The following TCHP variants were observed in gnomAD, a reference collection of about 807,000 sequenced individuals.
TCHP encodes trichoplein keratin filament-binding protein.
A neutral mutation model predicts 88.7 loss-of-function variants in TCHP; 81 were observed. That is an observed-to-expected ratio of 0.91 (90% CI 0.76 to 1.10). The LOEUF (loss-of-function observed/expected upper bound fraction) is 1.10, where lower values mean the gene tolerates loss of function less well. TCHP is among the 50% of genes least tolerant of loss of function. The pLI is 0.00. For synonymous variants in TCHP, 232 were observed against 232.5 expected, an observed-to-expected ratio of 1.00 and a Z score of 0.02; for missense variants, 641 against 632.1, an observed-to-expected ratio of 1.01 and a Z score of -0.15.
the TCHP span, among the ~76,000 whole-genome samples, chr12:109,891,876 A>G: frequency 6.6e-6 from 1 of 151,560 alleles, no homozygotes; most frequent in African/African-American, 2.4e-5. Flanking sequence ...CGCTCTGCTA[A>G]TTTCTGTATA....
intron 9 of TCHP, 41 bp downstream of exon 9, chr12:109,911,276 C>G: frequency 8.6e-7 from 1 of 1,161,900 alleles, no homozygotes; most frequent in African/African-American, 1.5e-5. Context: ...CTCCTGGCCT[C>G]AACTCTGATA....
chr12:109,914,787 C>T, intron 11 of TCHP, 160 bp downstream of exon 11: 1 of 598,142 alleles, frequency 1.7e-6, no homozygotes, highest in South Asian at 2.0e-5. Context: ...ATCCTCTTGA[C>T]TGTGGCTTCT....
chr12:109,908,050 C>T (rs1870247145), intron 6 of TCHP, among the ~76,000 whole-genome samples: 1 of 152,178 alleles, frequency 6.6e-6, no homozygotes, highest in African/African-American at 2.4e-5. Context: ...CCGTGGGGAG[C>T]AGGTTTCGGG....
At chr12:109,894,459 T>G in the TCHP span, among the ~76,000 whole-genome samples, 1 of 115,008 alleles carries the variant, frequency 8.7e-6, no homozygotes, top group African/African-American at 4.0e-5. Flanking sequence ...CAAGACTCCG[T>G]CTCAAAAAAA....
chr12:109,907,679 C>G lies in TCHP; in HGVS notation c.679C>G (p.Leu227Val). The G allele has an allele frequency of 3.7e-6, 6 of 1,606,168 alleles. No individual in the cohort carries two copies. Among genetic ancestry groups the G allele is most frequent in the Non-Finnish European group, 5.1e-6 (6 of 1,176,878 alleles). The change falls in exon 6 of 13, where the codon CTG (leucine) becomes GTG (valine). Residue 227 changes from leucine (L) to valine (V), a missense_variant. By Grantham distance (32) the Leu-to-Val change is conservative (BLOSUM62 1). Transcript: ENST00000405876. ...GGCACTGCTGCAACAGATGGAGGAG[C>G]TGAAGCTGAAGGAGGTGGAGGTGGG... ...AEALLQQMEE[L>V]KLKEVEATKL... is the part of the protein sequence containing the mutation.
upstream of TCHP, among the ~76,000 whole-genome samples, chr12:109,896,309 G>C (rs1268731499): frequency 6.6e-6 from 1 of 152,098 alleles, no homozygotes; most frequent in African/African-American, 2.4e-5. Flanking sequence ...CACTGAAGAG[G>C]GATTCACAGT....
intron 6 of TCHP, among the ~76,000 whole-genome samples, 189 bp from the exon 7 acceptor site, chr12:109,908,397 A>G (rs1870267565): frequency 6.6e-6 from 1 of 152,172 alleles, no homozygotes; most frequent in African/African-American, 2.4e-5. Flanking sequence ...AGGGCTCAGA[A>G]AGGCCCTTGC....
chr12:109,913,486 G>A (rs1329527373), intron 10 of TCHP, among the ~76,000 whole-genome samples: 1 of 152,208 alleles, frequency 6.6e-6, no homozygotes, highest in African/African-American at 2.4e-5. Context: ...TCCCTCTTAT[G>A]GGTGTGCTGT....
chr12:109,908,899 C>A lies in TCHP; in HGVS notation c.841C>A (p.Gln281Lys). ...TTTCTTGAGACATCAGTATAACGCTCAACTCAGCAGACGCACACAGCAGAT... is the reference window on the plus strand; with the variant it reads ...TTTCTTGAGACATCAGTATAACGCTAAACTCAGCAGACGCACACAGCAGAT... ...GRFLRHQYNA[Q>K]LSRRTQQIQE... Residue 281 changes from glutamine (Q) to lysine (K), a missense_variant, in exon 8 of 13, where the codon CAA (glutamine) becomes AAA (lysine). Physicochemically the swap from Gln to Lys is moderately conservative, Grantham distance 53. Coordinates refer to ENST00000405876, the MANE Select transcript of TCHP (RefSeq NM_001143852.2). 1 of 1,614,196 alleles carries A rather than the reference C, an allele frequency of 6.2e-7. No homozygotes were observed. Among genetic ancestry groups the A allele is most frequent in the South Asian group, 1.1e-5 (1 of 91,056 alleles).
chr12:109,903,851 T>A lies in TCHP; in HGVS notation c.189-86T>A. On this transcript the variant is annotated intron_variant, in intron 2 of 12. Transcript: ENST00000405876. The surrounding 1 kb of genome is among the most constrained non-coding windows in gnomAD (Gnocchi z 4.6). Reference sequence around the variant, plus strand: ...CCTGTGTCGTCATGACACATCTACCTCAGCCTCTTTTACCGACACAGCAGA... The same window carrying A: ...CCTGTGTCGTCATGACACATCTACCACAGCCTCTTTTACCGACACAGCAGA... 1 of 1,110,668 alleles carries A rather than the reference T, an allele frequency of 9.0e-7. No individual in the cohort carries two copies. Among genetic ancestry groups the A allele is most frequent in the Non-Finnish European group, 1.3e-6 (1 of 750,246 alleles). The allele number at this position is 1,110,668 out of a possible 1,614,324, so 68.8% of individuals were successfully genotyped here.
intron 5 of TCHP, 120 bp downstream of exon 5, chr12:109,906,760 T>C: frequency 1.3e-6 from 1 of 762,544 alleles, no homozygotes; most frequent in Non-Finnish European, 2.2e-6. Flanking sequence ...GTGTACTCTT[T>C]TCTTAGTTTA....
the TCHP span, among the ~76,000 whole-genome samples, chr12:109,886,206 C>T: frequency 9.2e-5 from 14 of 151,690 alleles, no homozygotes; most frequent in East Asian, 2.0e-3. Context: ...GGTGCGATCT[C>T]GGCTCACTAA....
chr12:109,901,847 G>A (rs1003149603), intron 1 of TCHP, among the ~76,000 whole-genome samples: 4 of 152,128 alleles, frequency 2.6e-5, no homozygotes, highest in Non-Finnish European at 1.5e-5. Context: ...TTTATTAGCC[G>A]TCTCTTGGGC....
chr12:109,910,915 C>G (rs1332162564), intron 8 of TCHP, 148 bp from the exon 9 acceptor site: 2 of 1,242,184 alleles, frequency 1.6e-6, no homozygotes, highest in African/African-American at 1.6e-5. Flanking sequence ...AGAAATAATC[C>G]AGGATCTTCC....
Position 109,903,751 on chromosome 12 carries a change from T to G in TCHP, c.189-186T>G, listed in dbSNP as rs898433400. Reference sequence around the variant, plus strand: ...TATTTATACATTTATACATTTTCTTTTTGCAAAAAACAAGATTTTCTCTTA... The same window carrying G: ...TATTTATACATTTATACATTTTCTTGTTGCAAAAAACAAGATTTTCTCTTA... On this transcript the variant is annotated intron_variant, in intron 2 of 12. Coordinates refer to ENST00000405876, the MANE Select transcript of TCHP (RefSeq NM_001143852.2). This position sits in a 1 kb window ranked among gnomAD's most constrained non-coding sequence, Gnocchi z 4.6. Among the ~76,000 whole-genome samples, 21 of 152,174 alleles carry G rather than the reference T, an allele frequency of 1.4e-4. No individual in the cohort carries two copies. Among genetic ancestry groups the G allele is most frequent in the African/African-American group, 5.1e-4 (21 of 41,452 alleles).
At chr12:109,894,033 C>T in the TCHP span, among the ~76,000 whole-genome samples, 2 of 151,814 alleles carry the variant, frequency 1.3e-5, no homozygotes, top group Admixed American at 6.6e-5. Flanking sequence ...AAAATACAAA[C>T]ATTAGCCAGG....
Position 109,911,200 on chromosome 12 carries a change from G to A in TCHP, c.1017G>A (p.Glu339=). The A allele has an allele frequency of 2.5e-6, 4 of 1,587,418 alleles. No individual in the cohort carries two copies. Among genetic ancestry groups the A allele is most frequent in the Non-Finnish European group, 3.4e-6 (4 of 1,169,696 alleles). ...CCATTGAGGAGCAGCTGCAGCTGGA[G>A]CGGGCGCGGGAGGCAGAGCTGCAGA... ...KQAIEEQLQL[E]RAREAELQML... is the part of the protein sequence containing the mutation. The change falls in exon 9 of 13, where the codon GAG becomes GAA. Residue 339 remains glutamate (E), a synonymous_variant. Coordinates refer to ENST00000405876, the MANE Select transcript of TCHP (RefSeq NM_001143852.2).
At chr12:109,883,558 C>T in the TCHP span, among the ~76,000 whole-genome samples, 1 of 152,076 alleles carries the variant, frequency 6.6e-6, no homozygotes, top group Non-Finnish European at 1.5e-5. Context: ...CTACCTCGAG[C>T]ATCCTATGAT....
chr12:109,896,094 G>T (rs57707515), upstream of TCHP, among the ~76,000 whole-genome samples: 3 of 152,020 alleles, frequency 2.0e-5, no homozygotes, highest in African/African-American at 7.2e-5. Context: ...CTACAGGCAC[G>T]CACTACCACA....
Sources: allele counts gnomAD v4.1 joint callset (sites outside exome capture counted in the v4.1 genomes callset), GRCh38; gene constraint gnomAD v4.1.1; non-coding constraint Gnocchi (gnomAD v3.1); transcripts MANE v1.5; gene names NCBI Gene and HGNC (gene_info 2026-07-23, HGNC 2026-07-21).